Variants in WDR75 observed in about 807,000 individuals in gnomAD.
WDR75 encodes WD repeat domain 75, also known as WD repeat-containing protein 75.
WDR75 carries 52 observed loss-of-function variants against 106.1 expected under a neutral mutation model. The observed-to-expected ratio is 0.49, with a 90% confidence interval of 0.39 to 0.62. The LOEUF (loss-of-function observed/expected upper bound fraction) is 0.62, where lower values mean the gene tolerates loss of function less well. WDR75 is among the 20% of genes least tolerant of loss of function. The pLI, the probability that WDR75 is intolerant of heterozygous loss-of-function variation, is 0.00. For missense variants in WDR75, 905 were observed against 970.3 expected (o/e 0.93, Z 0.89); for synonymous variants, 333 against 335.5 (o/e 0.99, Z 0.08).
At chr2:189,453,318 C>G (rs1388748372) in intron 4 of WDR75, among the ~76,000 whole-genome samples, 1 of 152,190 alleles carries the variant, frequency 6.6e-6, no homozygotes. Context: ...CTTTAGGAAT[C>G]TGCATTTTTA....
chr2:189,449,617 T>C, intron 2 of WDR75: 1 of 1,042,098 alleles, frequency 9.6e-7, no homozygotes, highest in Non-Finnish European at 1.2e-6. Context: ...GGCAGTTTTA[T>C]CAGATTTGGT....
chr2:189,458,249 G>T (rs1482424633), intron 6 of WDR75, among the ~76,000 whole-genome samples: 1 of 152,022 alleles, frequency 6.6e-6, no homozygotes, highest in African/African-American at 2.4e-5. Context: ...GTATAATATT[G>T]ATCCTGACTT....
intron 7 of WDR75, among the ~76,000 whole-genome samples, 162 bp downstream of exon 7, chr2:189,459,034 T>C (rs1273295144): frequency 3.3e-5 from 5 of 152,238 alleles, no homozygotes; most frequent in South Asian, 2.1e-4. Flanking sequence ...CTTGGACTTA[T>C]AAAGTGAGTG....
Position 189,468,270 on chromosome 2 carries a change from G to A in WDR75, c.1629-205G>A, listed in dbSNP as rs533988182. Among the ~76,000 whole-genome samples, 6 of 152,200 alleles carry A rather than the reference G, an allele frequency of 3.9e-5. No homozygotes were observed. The East Asian group carries it at 9.6e-4, about 24-fold the overall frequency. ...CAGTGTGTTAAAGAATTGGTCATCCGTTCTGTTTTCCTAAAGAAATAGCTA... is the reference window on the plus strand; with the variant it reads ...CAGTGTGTTAAAGAATTGGTCATCCATTCTGTTTTCCTAAAGAAATAGCTA... On this transcript the variant is annotated intron_variant, in intron 14 of 20. Coordinates refer to ENST00000314761, the MANE Select transcript of WDR75 (RefSeq NM_032168.3).
intron 14 of WDR75, 93 bp from the exon 15 acceptor site, chr2:189,468,382 C>A: frequency 9.1e-7 from 1 of 1,100,704 alleles, no homozygotes; most frequent in Non-Finnish European, 1.4e-6. Flanking sequence ...TAAAAATCTG[C>A]ATTACATAGA....
chr2:189,467,765 G>A, intron 14 of WDR75, 117 bp downstream of exon 14: 2 of 973,578 alleles, frequency 2.1e-6, no homozygotes, highest in Non-Finnish European at 2.8e-6. Context: ...AGTGGGGCAA[G>A]CAGCTAATCA....
chr2:189,471,138 C>A (rs904028343), intron 18 of WDR75, among the ~76,000 whole-genome samples: 3 of 152,122 alleles, frequency 2.0e-5, no homozygotes, highest in Non-Finnish European at 4.4e-5. Context: ...TTCTCCAACA[C>A]CACTACCATT....
chr2:189,457,398 A>G lies in WDR75; in HGVS notation c.569+17A>G. The G allele has an allele frequency of 6.8e-7, 1 of 1,475,620 alleles. No homozygotes were observed. Among genetic ancestry groups the G allele is most frequent in the Non-Finnish European group, 9.4e-7 (1 of 1,061,558 alleles). 91.4% of individuals were successfully genotyped at this position (1,475,620 alleles called of 1,614,324 possible). ...AACATCAAGGTAAGAATTATTTTTT[A>G]TTAGCTTTATTTTATTTGCTCAAGA... is the stretch of plus-strand genomic sequence containing the variant. On this transcript the variant is annotated intron_variant, in intron 6 of 20. Transcript: ENST00000314761.
At chr2:189,468,218 C>T (rs976192905) in intron 14 of WDR75, among the ~76,000 whole-genome samples, 1 of 152,080 alleles carries the variant, frequency 6.6e-6, no homozygotes, top group African/African-American at 2.4e-5. Context: ...TACATTTTCT[C>T]TGTTAGATGT....
At chr2:189,453,694 C>T (rs1049572823) in intron 4 of WDR75, among the ~76,000 whole-genome samples, 4 of 152,288 alleles carry the variant, frequency 2.6e-5, no homozygotes, top group Middle Eastern at 3.4e-3. Flanking sequence ...ATAGCTGCTA[C>T]ATAAAAATGT....
At chr2:189,455,569 T>A in intron 5 of WDR75, 125 bp downstream of exon 5, 1 of 1,252,376 alleles carries the variant, frequency 8.0e-7, no homozygotes, top group Non-Finnish European at 1.1e-6. Flanking sequence ...TATTAGTAAC[T>A]AAGAAGCCTC....
At chr2:189,459,241 T>C (rs1686810330) in intron 7 of WDR75, 95 bp from the exon 8 acceptor site, 1 of 863,380 alleles carries the variant, frequency 1.2e-6, no homozygotes, top group South Asian at 1.7e-5. Flanking sequence ...TGATTTAGTA[T>C]GTTTGGTATA....
chr2:189,446,680 A>T (rs1033554651), intron 1 of WDR75, among the ~76,000 whole-genome samples: 2 of 152,200 alleles, frequency 1.3e-5, no homozygotes, highest in African/African-American at 4.8e-5. Flanking sequence ...TCCACAGAGG[A>T]TATGTTCCAG....
At chr2:189,443,319 A>G (rs1686426747) in intron 1 of WDR75, among the ~76,000 whole-genome samples, 1 of 152,212 alleles carries the variant, frequency 6.6e-6, no homozygotes, top group African/African-American at 2.4e-5. Context: ...TGGGGAGGAC[A>G]GTGTAAGCAA....
In WDR75 at chr2:189,445,535, A is replaced by C. The variant is rs141471937; in HGVS notation, c.87-2844A>C. 2.0e-4 allele frequency among the ~76,000 whole-genome samples: 31 copies of C among 152,318 alleles called. No individual in the cohort carries two copies. In the East Asian group the frequency reaches 5.8e-3, roughly 28 times the overall value. On this transcript the variant is annotated intron_variant, in intron 1 of 20. Coordinates refer to ENST00000314761, the MANE Select transcript of WDR75 (RefSeq NM_032168.3). ...AGTTCTGAGAAATGGGAAAGACTGAAAAACTGTCACTGATTGGAAGGTTCT... is the reference window on the plus strand; with the variant it reads ...AGTTCTGAGAAATGGGAAAGACTGACAAACTGTCACTGATTGGAAGGTTCT...
chr2:189,457,272 C>T, intron 5 of WDR75, 39 bp from the exon 6 acceptor site: 2 of 1,326,552 alleles, frequency 1.5e-6, no homozygotes, highest in South Asian at 1.3e-5. Flanking sequence ...AGAGTGTTGA[C>T]TATTTTTGTG....
chr2:189,449,520 T>C, intron 2 of WDR75: 1 of 1,095,208 alleles, frequency 9.1e-7, no homozygotes. Context: ...GTGAAGTCCA[T>C]ATACTAAGTT....
rs371434035 is a variant in WDR75 at position 189,467,542 on chromosome 2, G to A, written c.1522G>A (p.Glu508Lys). Residue 508 changes from glutamate to lysine, a missense_variant, in exon 14 of 21, where the codon GAA (glutamate) becomes AAA (lysine). Transcript: ENST00000314761. ...TCAAGCAACTAACTGTTGTTTCTCC[G>A]AAGATGGTTCTTTACTAGCAGTTAG... ...KYQATNCCFS[E>K]DGSLLAVSFE... 150 of 1,611,428 alleles carry A rather than the reference G, an allele frequency of 9.3e-5. 1 individual carries two copies. Among genetic ancestry groups the A allele is most frequent in the Middle Eastern group, 3.3e-4 (2 of 6,068 alleles).
At chr2:189,457,275 T>C (rs934285521) in intron 5 of WDR75, 36 bp from the exon 6 acceptor site, 7 of 1,415,328 alleles carry the variant, frequency 4.9e-6, no homozygotes, top group Non-Finnish European at 6.9e-6. Context: ...GTGTTGACTA[T>C]TTTTGTGAAT....
Sources: allele counts gnomAD v4.1 joint callset (sites outside exome capture counted in the v4.1 genomes callset), GRCh38; gene constraint gnomAD v4.1.1; transcripts MANE v1.5; gene names NCBI Gene and HGNC (gene_info 2026-07-23, HGNC 2026-07-21).